Variants in CORIN observed in about 807,000 individuals in gnomAD.
The protein encoded by CORIN is atrial natriuretic peptide-converting enzyme.
In CORIN, 117 loss-of-function variants were observed where a neutral mutation model predicts 125.3. The observed-to-expected ratio is 0.93, with a 90% confidence interval of 0.80 to 1.09. The LOEUF is 1.09. Among genes scored for constraint, CORIN ranks in the 50% least tolerant of loss-of-function variants. The probability of loss-of-function intolerance (pLI) is 0.00; values close to 1 mark genes in which losing one functional copy is unlikely to be tolerated. For synonymous variants in CORIN, 450 were observed against 466.4 expected, an observed-to-expected ratio of 0.96 and a Z score of 0.45; for missense variants, 1,253 against 1,306.7, an observed-to-expected ratio of 0.96 and a Z score of 0.63.
At chr4:47,808,434 T>C (rs752390955) in intron 1 of CORIN, among the ~76,000 whole-genome samples, 1 of 152,248 alleles carries the variant, frequency 6.6e-6, no homozygotes, top group Non-Finnish European at 1.5e-5. Context: ...TTGCAAGGCA[T>C]ATGTGATTCC....
chr4:47,699,654 T>G (rs965499938), intron 5 of CORIN, among the ~76,000 whole-genome samples: 4 of 152,246 alleles, frequency 2.6e-5, no homozygotes, highest in African/African-American at 7.2e-5. Flanking sequence ...CTATGGAGCA[T>G]GAATAAATGA....
At chr4:47,734,899 G>C (rs192551048) in intron 5 of CORIN, among the ~76,000 whole-genome samples, 299 of 152,174 alleles carry the variant, frequency 2.0e-3, no homozygotes, top group African/African-American at 6.7e-3. Flanking sequence ...TCCCAAATGG[G>C]GGCTGCAAAA....
rs762936615 is a variant in CORIN, at chr4:47,595,909, A to G, written c.2947-6T>C. ...AGAGGCCCACCGCTGTCACCCTGCA[A>G]TAAGTAACGATGGGAGTTAGGAACT... On this transcript the variant is annotated splice_polypyrimidine_tract_variant and splice_region_variant and intron_variant, in intron 21 of 21. Coordinates refer to ENST00000273857, the MANE Select transcript of CORIN (RefSeq NM_006587.4). The G allele has an allele frequency of 3.1e-6, 5 of 1,605,050 alleles. No individual in the cohort carries two copies. Among genetic ancestry groups the G allele is most frequent in the Admixed American group, 1.7e-5 (1 of 57,834 alleles).
At chr4:47,773,098 TTA>T (rs1247307382) in intron 3 of CORIN, among the ~76,000 whole-genome samples, 4 of 152,152 alleles carry the variant, frequency 2.6e-5, no homozygotes, top group Non-Finnish European at 5.9e-5. Flanking sequence ...ACAAAGGCAC[TTA>T]GTGCTATAGA....
At position 47,626,541 on chromosome 4, in the gene CORIN, G is replaced by A. The variant is rs1478621591; in HGVS notation, c.2199-20C>T. On this transcript the variant is annotated intron_variant, in intron 16 of 21. Coordinates refer to ENST00000273857, the MANE Select transcript of CORIN (RefSeq NM_006587.4). ...GGTTCTCTGATACAAGGCAAATACT[G>A]GATAAGTATTCAAAGTACAATGATC... 1.4e-6 allele frequency: 2 copies of A among 1,384,648 alleles called. No homozygotes were observed. Among genetic ancestry groups the A allele is most frequent in the East Asian group, 4.6e-5 (2 of 43,824 alleles). 85.8% of individuals were successfully genotyped at this position (1,384,648 alleles called of 1,614,324 possible).
At chr4:47,740,077 T>C (rs1211274236) in intron 5 of CORIN, among the ~76,000 whole-genome samples, 1 of 151,948 alleles carries the variant, frequency 6.6e-6, no homozygotes, top group Admixed American at 6.6e-5. Context: ...TATAATTACA[T>C]TAAGTGTAAA....
chr4:47,805,312 C>A (rs1483148444), intron 2 of CORIN, among the ~76,000 whole-genome samples: 1 of 151,614 alleles, frequency 6.6e-6, no homozygotes, highest in African/African-American at 2.4e-5. Context: ...ATGTAACATA[C>A]CTCATAAATA....
At chr4:47,815,306 T>C (rs74674320) in intron 1 of CORIN, among the ~76,000 whole-genome samples, 134 of 146,702 alleles carry the variant, frequency 9.1e-4, no homozygotes, top group African/African-American at 3.2e-3. Flanking sequence ...AGCTCAAGAG[T>C]CCTGATTTTT....
intron 3 of CORIN, among the ~76,000 whole-genome samples, chr4:47,770,778 A>G (rs1211926381): frequency 2.0e-5 from 3 of 152,196 alleles, no homozygotes; most frequent in African/African-American, 7.2e-5. Context: ...CTAAGCACAA[A>G]AAGACAAAAA....
intron 5 of CORIN, among the ~76,000 whole-genome samples, chr4:47,734,687 T>G (rs1013462423): frequency 6.6e-6 from 1 of 152,226 alleles, no homozygotes; most frequent in African/African-American, 2.4e-5. Context: ...TTGCAAAACA[T>G]ATAGCCCTGG....
intron 1 of CORIN, among the ~76,000 whole-genome samples, chr4:47,826,643 A>T (rs1732753746): frequency 6.6e-6 from 1 of 152,242 alleles, no homozygotes; most frequent in East Asian, 1.9e-4. Context: ...TTGTGATCAC[A>T]TCAGGACCTC....
At chr4:47,815,137 A>T (rs1225339876) in intron 1 of CORIN, among the ~76,000 whole-genome samples, 1 of 152,178 alleles carries the variant, frequency 6.6e-6, no homozygotes, top group African/African-American at 2.4e-5. Context: ...CTGAAAATCT[A>T]CGTAACCTTA....
intron 5 of CORIN, among the ~76,000 whole-genome samples, chr4:47,701,662 T>G (rs574928344): frequency 7.9e-5 from 12 of 152,136 alleles, no homozygotes; most frequent in Non-Finnish European, 1.6e-4. Flanking sequence ...ACCCAGTAGA[T>G]TTTAAATCTA....
chr4:47,837,902 G>A lies in CORIN; in HGVS notation c.48C>T (p.Ala16=). The change falls in exon 1 of 22, where the codon GCC becomes GCT. Residue 16 remains alanine (A), a synonymous_variant. Coordinates refer to ENST00000273857, the MANE Select transcript of CORIN (RefSeq NM_006587.4). ...TCGATCTTACCGGCTTTGGGGACCC[G>A]GCTCTGCGGCAGCGCTCTTCCGGAG... ...ALAPEERCRR[A]GSPKPVLRAD... 1 of 1,613,754 alleles carries A rather than the reference G, an allele frequency of 6.2e-7. No individual in the cohort carries two copies. Among genetic ancestry groups the A allele is most frequent in the East Asian group, 2.2e-5 (1 of 44,858 alleles).
chr4:47,769,944 T>C (rs2109883701), intron 3 of CORIN, among the ~76,000 whole-genome samples: 1 of 152,104 alleles, frequency 6.6e-6, no homozygotes, highest in South Asian at 2.1e-4. Context: ...CTCAGTGACA[T>C]TGGTCTGGTT....
chr4:47,797,644 T>C (rs1731356718), intron 2 of CORIN, among the ~76,000 whole-genome samples: 1 of 152,120 alleles, frequency 6.6e-6, no homozygotes, highest in African/African-American at 2.4e-5. Context: ...ACAAAATGCA[T>C]GTTTAGTTAA....
intron 12 of CORIN, among the ~76,000 whole-genome samples, chr4:47,654,972 T>A (rs1308182559): frequency 1.3e-5 from 2 of 151,504 alleles, no homozygotes; most frequent in Non-Finnish European, 2.9e-5. Flanking sequence ...AACTTGGATA[T>A]CAGCTTAGCC....
chr4:47,598,427 C>T (rs575150780), intron 21 of CORIN, among the ~76,000 whole-genome samples: 2 of 152,252 alleles, frequency 1.3e-5, no homozygotes, highest in East Asian at 3.9e-4. Context: ...TGAACTCCCA[C>T]TACTAAAGAA....
chr4:47,715,599 C>CA (rs964460598), intron 5 of CORIN, among the ~76,000 whole-genome samples: 14 of 146,154 alleles, frequency 9.6e-5, no homozygotes, highest in South Asian at 2.2e-4. Flanking sequence ...ACTCTGTCTC[C>CA]AAAAAAAAAG....
Sources: allele counts gnomAD v4.1 joint callset (sites outside exome capture counted in the v4.1 genomes callset), GRCh38; gene constraint gnomAD v4.1.1; transcripts MANE v1.5; gene names NCBI Gene and HGNC (gene_info 2026-07-23, HGNC 2026-07-21).